Variants in OPRM1 observed in about 807,000 individuals in gnomAD.
OPRM1 encodes mu-type opioid receptor.
A neutral mutation model predicts 31.8 loss-of-function variants in OPRM1; 27 were observed. The observed-to-expected ratio is 0.85, with a 90% CI of 0.63 to 1.17. OPRM1 has a LOEUF of 1.17. Among genes scored for constraint, OPRM1 ranks in the 50% most tolerant of loss-of-function variants. The probability of loss-of-function intolerance (pLI) is 0.00; values close to 1 mark genes in which losing one functional copy is unlikely to be tolerated. For missense variants in OPRM1, 536 were observed against 511.1 expected (o/e 1.05, Z -0.47); for synonymous variants, 196 against 189.9 (o/e 1.03, Z -0.26).
intron 3 of OPRM1, among the ~76,000 whole-genome samples, chr6:154,197,812 T>C (rs911769577): frequency 2.0e-5 from 3 of 152,226 alleles, no homozygotes; most frequent in African/African-American, 7.2e-5. Flanking sequence ...TTTGAAGCTA[T>C]GCTCATCCTG....
At chr6:154,230,893 A>T (rs1779663894) in intron 3 of OPRM1, among the ~76,000 whole-genome samples, 5 of 152,218 alleles carry the variant, frequency 3.3e-5, no homozygotes, top group Admixed American at 1.3e-4. Flanking sequence ...AGCTAAAAAA[A>T]TTTCTTTGTA....
intron 3 of OPRM1, among the ~76,000 whole-genome samples, chr6:154,241,769 T>C (rs1444780371): frequency 6.6e-6 from 1 of 152,138 alleles, no homozygotes; most frequent in Non-Finnish European, 1.5e-5. Context: ...TTCATATTTT[T>C]CGCATGCCAA....
chr6:154,139,359 T>C (rs571719942), intron 3 of OPRM1, among the ~76,000 whole-genome samples: 4 of 152,352 alleles, frequency 2.6e-5, no homozygotes, highest in African/African-American at 4.8e-5. Context: ...AGGGGGGTTA[T>C]AGTCCTCTTT....
chr6:154,178,849 T>C (rs1213076116), intron 3 of OPRM1, among the ~76,000 whole-genome samples: 2 of 152,214 alleles, frequency 1.3e-5, no homozygotes, highest in African/African-American at 4.8e-5. Flanking sequence ...AGAGAAAGCC[T>C]GGAACTGAAA....
intron 3 of OPRM1, among the ~76,000 whole-genome samples, chr6:154,203,226 C>T (rs1777215338): frequency 6.6e-6 from 1 of 152,196 alleles, no homozygotes; most frequent in Non-Finnish European, 1.5e-5. Context: ...CTCCGCCCCA[C>T]CTCTACTGGT....
In OPRM1 at chr6:154,123,150, C is replaced by G. The variant is rs1001996639; in HGVS notation, c.*4429C>G. Among the ~76,000 whole-genome samples the G allele has an allele frequency of 6.6e-6, 1 of 152,174 alleles. No homozygotes were observed. Among genetic ancestry groups the G allele is most frequent in the South Asian group, 2.1e-4 (1 of 4,826 alleles). ...ATCTCTGCAGCTATTTGAGTAACTT[C>G]TCTTATCTGAAAAGCTGTCTGTACA... On this transcript the variant is annotated 3_prime_UTR_variant, in exon 4 of 4. Coordinates refer to ENST00000330432, the MANE Select transcript of OPRM1 (RefSeq NM_000914.5).
chr6:154,231,563 C>A (rs559670670), intron 3 of OPRM1, among the ~76,000 whole-genome samples: 1 of 152,178 alleles, frequency 6.6e-6, no homozygotes, highest in African/African-American at 2.4e-5. Context: ...CGCCATACAA[C>A]GCGTAGAGCA....
chr6:154,159,673 G>A (rs559686159), intron 3 of OPRM1: 21 of 646,412 alleles, frequency 3.2e-5, no homozygotes, highest in South Asian at 9.1e-5. Context: ...TGGTGTATTC[G>A]GTGATTATCT....
At chr6:154,022,544 A>G (rs1778441506) in intron 1 of OPRM1, among the ~76,000 whole-genome samples, 1 of 145,460 alleles carries the variant, frequency 6.9e-6, no homozygotes, top group South Asian at 2.2e-4. Context: ...GCTGTGAGGA[A>G]CCTTTTAAAG....
chr6:154,213,042 A>G (rs1178883011), intron 3 of OPRM1: 3 of 568,932 alleles, frequency 5.3e-6, no homozygotes, highest in African/African-American at 1.9e-5. Flanking sequence ...CAAATGGCCA[A>G]TTCGGGGCTC....
intron 3 of OPRM1, among the ~76,000 whole-genome samples, chr6:154,186,485 C>T (rs1309408034): frequency 6.6e-6 from 1 of 152,202 alleles, no homozygotes; most frequent in Non-Finnish European, 1.5e-5. Context: ...GCAGCCACCT[C>T]GCCGCCTATC....
chr6:154,029,172 C>T (rs886820641), intron 1 of OPRM1, among the ~76,000 whole-genome samples: 3 of 152,022 alleles, frequency 2.0e-5, no homozygotes, highest in Non-Finnish European at 1.5e-5. Context: ...TAAACAGTGC[C>T]GCCTTTAAAC....
In OPRM1 at chr6:154,128,661, A is replaced by G. The variant is rs1022037684; in HGVS notation, c.*9940A>G. Among the ~76,000 whole-genome samples the G allele has an allele frequency of 1.3e-5, 2 of 152,216 alleles. No individual in the cohort carries two copies. Among genetic ancestry groups the G allele is most frequent in the Non-Finnish European group, 2.9e-5 (2 of 68,034 alleles). On this transcript the variant is annotated 3_prime_UTR_variant, in exon 4 of 4. Transcript: ENST00000330432. ...GATCCTGAAGACAGTTGAAGCAATC[A>G]TACTGGTTGTTCTCGAACTAGCTGG... is the stretch of plus-strand genomic sequence containing the variant.
chr6:154,106,011 A>G (rs1795514703), intron 3 of OPRM1, among the ~76,000 whole-genome samples: 1 of 152,192 alleles, frequency 6.6e-6, no homozygotes, highest in Non-Finnish European at 1.5e-5. Flanking sequence ...GATTTATTCC[A>G]ATGTTTAATT....
At chr6:154,141,462 A>AGC (rs1428407926) in intron 3 of OPRM1, among the ~76,000 whole-genome samples, 4 of 152,170 alleles carry the variant, frequency 2.6e-5, no homozygotes, top group Non-Finnish European at 5.9e-5. Flanking sequence ...AAGTCGGCAG[A>AGC]GCTCTGTGTG....
chr6:154,107,951 T>TA (rs1795842400), intron 3 of OPRM1: 8 of 12,672 alleles, frequency 6.3e-4, no homozygotes, highest in African/African-American at 1.2e-3. Flanking sequence ...TAAACACTGA[T>TA]TTTTTTATTT....
chr6:154,028,482 A>T (rs6905273), intron 1 of OPRM1, among the ~76,000 whole-genome samples: 3 of 151,854 alleles, frequency 2.0e-5, no homozygotes, highest in Non-Finnish European at 2.9e-5. Context: ...GCCACCACAT[A>T]CTCCTATAGT....
At chr6:154,213,074 T>C in intron 3 of OPRM1, 2 of 519,276 alleles carry the variant, frequency 3.9e-6, no homozygotes. Context: ...GAGCATCCAA[T>C]ATGCAGGAAG....
In OPRM1 at chr6:154,168,354, G is replaced by A. The variant is rs558416523; in HGVS notation, c.1164+76882G>A. Among the ~76,000 whole-genome samples, 1 of 152,092 alleles carries A rather than the reference G, an allele frequency of 6.6e-6. No individual in the cohort carries two copies. Among genetic ancestry groups the A allele is most frequent in the East Asian group, 1.9e-4 (1 of 5,180 alleles). Reference sequence around the variant, plus strand: ...AGGAGTTATTCCAAGCCTCTCTCCTGGCTTCAAGTGGTTTTTTGGTTTGTG... The same window carrying A: ...AGGAGTTATTCCAAGCCTCTCTCCTAGCTTCAAGTGGTTTTTTGGTTTGTG... On this transcript the variant is annotated intron_variant, in intron 3 of 3. Transcript: ENST00000337049. The surrounding 1 kb of genome is among the most constrained non-coding windows in gnomAD (Gnocchi z 4.1).
Sources: allele counts gnomAD v4.1 joint callset (sites outside exome capture counted in the v4.1 genomes callset), GRCh38; gene constraint gnomAD v4.1.1; non-coding constraint Gnocchi (gnomAD v3.1); transcripts MANE v1.5; gene names NCBI Gene and HGNC (gene_info 2026-07-23, HGNC 2026-07-21).